Variants in MADD observed in about 807,000 individuals in gnomAD.
The protein encoded by MADD is MAP kinase activating death domain.
A neutral mutation model predicts 176.7 loss-of-function variants in MADD; 109 were observed. That is an observed-to-expected ratio of 0.62 (90% CI 0.53 to 0.72). The LOEUF (loss-of-function observed/expected upper bound fraction) is 0.72, where lower values mean the gene tolerates loss of function less well. Among genes scored for constraint, MADD ranks in the 30% least tolerant of loss-of-function variants. MADD has a pLI of 0.00. For missense variants in MADD, 1,914 were observed against 2,045.5 expected (o/e 0.94, Z 1.24); for synonymous variants, 771 against 771.3 (o/e 1.00, Z 0.01).
intron 1 of MADD, chr11:47,270,541 G>C (rs1960336582): frequency 1.3e-5 from 2 of 151,906 alleles, no homozygotes; most frequent in African/African-American, 4.8e-5. Context: ...GCAGGTGAGG[G>C]GGCGGGCAGA....
intron 22 of MADD, among the ~76,000 whole-genome samples, chr11:47,305,757 C>T (rs906898621): frequency 6.6e-6 from 1 of 152,164 alleles, no homozygotes; most frequent in Non-Finnish European, 1.5e-5. Flanking sequence ...CTTAGCAGCT[C>T]AGACTCTAGG....
At chr11:47,323,858 T>C in intron 28 of MADD, 23 bp downstream of exon 31, 1 of 1,612,018 alleles carries the variant, frequency 6.2e-7, no homozygotes, top group African/African-American at 1.3e-5. Flanking sequence ...TGTGTTTGGG[T>C]TGGGGCTAGT....
At chr11:47,304,169 C>T (rs2080510304) in intron 22 of MADD, among the ~76,000 whole-genome samples, 3 of 151,752 alleles carry the variant, frequency 2.0e-5, no homozygotes, top group Admixed American at 2.0e-4. Context: ...GACTTATCTT[C>T]AAATATAGAG....
chr11:47,276,905 C>T (rs1406240368), intron 5 of MADD, 42 bp downstream of exon 5: 2 of 1,608,010 alleles, frequency 1.2e-6, no homozygotes, highest in Middle Eastern at 1.7e-4. Flanking sequence ...CCTCTGTCTT[C>T]CTGAGGGAGG....
intron 20 of MADD, among the ~76,000 whole-genome samples, chr11:47,295,175 T>G (rs1166794472): frequency 6.6e-6 from 1 of 151,808 alleles, no homozygotes; most frequent in East Asian, 1.9e-4. Context: ...CATGCCTGGC[T>G]AAGTTTGTGT....
chr11:47,304,585 T>TTTGC (rs2140329180), intron 22 of MADD, among the ~76,000 whole-genome samples: 1 of 152,096 alleles, frequency 6.6e-6, no homozygotes, highest in South Asian at 2.1e-4. Context: ...AAGATTTCTG[T>TTTGC]TTTTTTGTTA....
chr11:47,294,664 C>T (rs1226980498), intron 20 of MADD, among the ~76,000 whole-genome samples: 7 of 101,644 alleles, frequency 6.9e-5, no homozygotes, highest in African/African-American at 2.6e-4. Flanking sequence ...AGTGAGACTC[C>T]GTCTCAAAAA....
chr11:47,292,245 C>A (rs1029027329), intron 19 of MADD, among the ~76,000 whole-genome samples: 1 of 152,168 alleles, frequency 6.6e-6, no homozygotes. Flanking sequence ...AGGACCAGTT[C>A]CTCATGCAAA....
At chr11:47,269,488 G>T (rs541309208), upstream of MADD, 1 of 152,442 alleles carries the variant, frequency 6.6e-6, no homozygotes, top group South Asian at 2.1e-4. Context: ...ACCCAGTGTC[G>T]GTCCCCAGGC....
intron 7 of MADD, 139 bp from the exon 8 acceptor site, chr11:47,281,436 A>T: frequency 1.8e-6 from 1 of 560,752 alleles, no homozygotes; most frequent in Non-Finnish European, 3.0e-6. Flanking sequence ...TTTGCAAATT[A>T]GCACCGTTCT....
chr11:47,274,419 A>G (rs1018684924), intron 2 of MADD, 144 bp from the exon 3 acceptor site: 59 of 713,952 alleles, frequency 8.3e-5, no homozygotes, highest in Non-Finnish European at 1.4e-4. Flanking sequence ...TCCATGCGGC[A>G]GGCAGCACCC....
At chr11:47,323,811 G>T (rs2094952055) in exon 28 of MADD, 6 of 1,614,194 alleles carry the variant, frequency 3.7e-6, no homozygotes, top group Non-Finnish European at 5.1e-6. Flanking sequence ...CTGAGACCCA[G>T]CTCAACAAGT....
chr11:47,328,462 T>C (rs1595761431), intron 31 of MADD, 196 bp from the exon 36 acceptor site: 1 of 1,452,802 alleles, frequency 6.9e-7, no homozygotes, highest in Non-Finnish European at 9.0e-7. Flanking sequence ...GCTAGGGCCA[T>C]GTCCTCCCAG....
intron 15 of MADD, 25 bp downstream of exon 16, chr11:47,289,052 A>G (rs1352460654): frequency 3.8e-6 from 6 of 1,571,542 alleles, no homozygotes; most frequent in East Asian, 2.3e-5. Context: ...TGAGCTGTGC[A>G]TGATCTTTTT....
In MADD at chr11:47,285,525, G is replaced by A. The variant is rs372797572; in HGVS notation, c.2486G>A (p.Ser829Asn). The A allele has an allele frequency of 3.2e-5, 52 of 1,614,180 alleles. No individual in the cohort carries two copies. Among genetic ancestry groups the A allele is most frequent in the Non-Finnish European group, 4.3e-5 (51 of 1,180,030 alleles). The stretch of plus-strand genomic sequence containing the variant: ...GATGCAGAGTCAGACTCTCGGGCAA[G>A]CTCTCCCAACTCCACCGTCTCCAAC... Residue 829 changes from serine (S) to asparagine (N), a missense_variant, in exon 14 of 33, where the codon AGC (serine) becomes AAC (asparagine). By Grantham distance (46) the Ser-to-Asn change is conservative. Transcript: ENST00000402192.
chr11:47,317,454 G>A (rs1476293193), intron 27 of MADD, among the ~76,000 whole-genome samples: 2 of 152,160 alleles, frequency 1.3e-5, no homozygotes, highest in African/African-American at 2.4e-5. Flanking sequence ...AAATTGGATC[G>A]TTTGCCCTGT....
intron 8 of MADD, among the ~76,000 whole-genome samples, chr11:47,281,979 C>T (rs923107692): frequency 2.0e-5 from 3 of 150,816 alleles, no homozygotes; most frequent in Non-Finnish European, 2.9e-5. Context: ...GGATTACAGG[C>T]GCCTGCCACC....
At chr11:47,276,326 A>G (rs1202743227) in intron 4 of MADD, 124 bp downstream of exon 4, 4 of 902,004 alleles carry the variant, frequency 4.4e-6, no homozygotes, top group Non-Finnish European at 6.6e-6. Context: ...AGGAGGTAAC[A>G]TGATGCCTGG....
At chr11:47,290,463 C>G in intron 18 of MADD, 147 bp from the exon 20 acceptor site, 1 of 1,245,748 alleles carries the variant, frequency 8.0e-7, no homozygotes, top group Non-Finnish European at 1.1e-6. Flanking sequence ...AGTGGGTATT[C>G]TTTGTTACGA....
Sources: allele counts gnomAD v4.1 joint callset (sites outside exome capture counted in the v4.1 genomes callset), GRCh38; gene constraint gnomAD v4.1.1; transcripts MANE v1.5; gene names NCBI Gene and HGNC (gene_info 2026-07-23, HGNC 2026-07-21).